ARHGEF3: variants seen among roughly 807,000 people sequenced by gnomAD.
ARHGEF3 encodes the protein Rho guanine nucleotide exchange factor 3.
Under a neutral mutation model 63.2 loss-of-function variants are expected in ARHGEF3, and 28 were observed. The ratio of observed to expected loss-of-function variants is 0.44; its 90% CI spans 0.33 to 0.61. The LOEUF is 0.61. ARHGEF3 is among the 20% of genes least tolerant of loss of function. ARHGEF3 has a pLI of 0.03. For synonymous variants in ARHGEF3, 266 were observed against 254.2 expected, an observed-to-expected ratio of 1.05 and a Z score of -0.44; for missense variants, 533 against 659.3, an observed-to-expected ratio of 0.81 and a Z score of 2.10.
intron 3 of ARHGEF3, among the ~76,000 whole-genome samples, chr3:56,888,355 A>G (rs1248450270): frequency 6.6e-6 from 1 of 152,144 alleles, no homozygotes; most frequent in Non-Finnish European, 1.5e-5. Context: ...TCCAAGATTG[A>G]TAACACCTCA....
intron 1 of ARHGEF3, among the ~76,000 whole-genome samples, chr3:57,045,131 G>A (rs1247366246): frequency 2.0e-5 from 3 of 152,162 alleles, no homozygotes; most frequent in Non-Finnish European, 4.4e-5. Context: ...GCTGGGCGTG[G>A]TGGCGGGCAC....
intron 3 of ARHGEF3, among the ~76,000 whole-genome samples, chr3:56,939,322 A>G (rs1699062580): frequency 6.6e-6 from 1 of 152,234 alleles, no homozygotes; most frequent in Non-Finnish European, 1.5e-5. Flanking sequence ...TCTCGACATC[A>G]CCATCTCCTC....
intron 2 of ARHGEF3, among the ~76,000 whole-genome samples, chr3:57,016,133 C>A (rs1352213968): frequency 1.3e-5 from 2 of 152,168 alleles, no homozygotes; most frequent in Non-Finnish European, 2.9e-5. Flanking sequence ...GTGACCTCTA[C>A]TGAAATCCAC....
intron 4 of ARHGEF3, among the ~76,000 whole-genome samples, chr3:56,846,382 A>C (rs2039492152): frequency 8.4e-6 from 1 of 118,916 alleles, no homozygotes; most frequent in African/African-American, 3.2e-5. Context: ...AGATCCTGAA[A>C]GTGGGCTTCA....
At chr3:57,026,067 C>A (rs1310338339) in intron 2 of ARHGEF3, among the ~76,000 whole-genome samples, 1 of 152,120 alleles carries the variant, frequency 6.6e-6, no homozygotes, top group African/African-American at 2.4e-5. Context: ...ATCTCAATAA[C>A]CTGTACCTTA....
intron 4 of ARHGEF3, among the ~76,000 whole-genome samples, chr3:56,840,857 A>C (rs1343860770): frequency 6.6e-6 from 1 of 152,330 alleles, no homozygotes; most frequent in South Asian, 2.1e-4. Flanking sequence ...CTTTGGTAAG[A>C]ATTTCTAGAA....
intron 2 of ARHGEF3, among the ~76,000 whole-genome samples, chr3:56,770,393 G>A (rs1274975186): frequency 6.6e-6 from 1 of 150,808 alleles, no homozygotes; most frequent in East Asian, 1.9e-4. Flanking sequence ...CTGGGTGACA[G>A]AGCAAGACTC....
At chr3:56,831,451 A>C (rs1032828374) in intron 4 of ARHGEF3, among the ~76,000 whole-genome samples, 7 of 152,242 alleles carry the variant, frequency 4.6e-5, no homozygotes, top group Admixed American at 1.3e-4. Context: ...GTAAAGGGAA[A>C]AATTCTAATT....
chr3:56,816,198 G>C (rs188837655), intron 4 of ARHGEF3, among the ~76,000 whole-genome samples: 18 of 152,280 alleles, frequency 1.2e-4, no homozygotes, highest in African/African-American at 3.8e-4. Context: ...CTGAGTGACA[G>C]AGCAAGACTC....
intron 3 of ARHGEF3, among the ~76,000 whole-genome samples, chr3:56,898,962 G>A (rs2041410893): frequency 1.3e-5 from 2 of 152,192 alleles, no homozygotes; most frequent in Admixed American, 1.3e-4. Flanking sequence ...GCTGAGGCAG[G>A]AGAATGGCAT....
At chr3:56,730,764 C>T (rs574587754) in intron 9 of ARHGEF3, among the ~76,000 whole-genome samples, 1 of 152,346 alleles carries the variant, frequency 6.6e-6, no homozygotes, top group Admixed American at 6.5e-5. Context: ...GAAGCATCTG[C>T]AGTCAGTCCC....
intron 4 of ARHGEF3, among the ~76,000 whole-genome samples, chr3:56,821,729 C>T (rs916750848): frequency 2.0e-5 from 3 of 152,064 alleles, no homozygotes; most frequent in African/African-American, 4.8e-5. Flanking sequence ...TTTGGGAGGC[C>T]GAGGTGGGTG....
At chr3:56,762,656 A>C (rs2035485340) in intron 2 of ARHGEF3, among the ~76,000 whole-genome samples, 1 of 152,186 alleles carries the variant, frequency 6.6e-6, no homozygotes, top group African/African-American at 2.4e-5. Context: ...ATGCTCCAAT[A>C]AAGTATTCAA....
At chr3:56,901,820 G>A (rs1044903832) in intron 3 of ARHGEF3, among the ~76,000 whole-genome samples, 2 of 151,910 alleles carry the variant, frequency 1.3e-5, no homozygotes, top group East Asian at 3.9e-4. Context: ...CAATATTTTT[G>A]TCAATACATA....
chr3:56,876,658 T>C (rs186547929), intron 4 of ARHGEF3, among the ~76,000 whole-genome samples: 2 of 151,552 alleles, frequency 1.3e-5, no homozygotes, highest in Non-Finnish European at 2.9e-5. Flanking sequence ...AGGGCTCATC[T>C]TGATGGTTGC....
At chr3:56,924,197 A>G (rs1344313955) in intron 3 of ARHGEF3, among the ~76,000 whole-genome samples, 4 of 152,248 alleles carry the variant, frequency 2.6e-5, no homozygotes, top group African/African-American at 4.8e-5. Flanking sequence ...CACCTGCACA[A>G]ACTAAATGAT....
chr3:56,802,422 T>G (rs894614633), upstream of ARHGEF3, among the ~76,000 whole-genome samples: 5 of 152,260 alleles, frequency 3.3e-5, no homozygotes, highest in Non-Finnish European at 2.9e-5. Context: ...TTTGTTTTGT[T>G]TTGTTTTTGT....
chr3:56,878,465 A>C (rs1164766232), intron 4 of ARHGEF3, among the ~76,000 whole-genome samples: 2 of 152,170 alleles, frequency 1.3e-5, no homozygotes, highest in Non-Finnish European at 2.9e-5. Flanking sequence ...GTGACCGATT[A>C]TATCATCAAC....
At chr3:56,734,199 G>T (rs2033439808) in intron 8 of ARHGEF3, among the ~76,000 whole-genome samples, 1 of 152,068 alleles carries the variant, frequency 6.6e-6, no homozygotes, top group Non-Finnish European at 1.5e-5. Flanking sequence ...AATGCTAAGT[G>T]CCAGACTCTT....
Sources: gnomAD v4.1 joint callset for allele counts (sites outside exome capture counted in the v4.1 genomes callset) on GRCh38, gnomAD v4.1.1 for gene constraint, MANE v1.5 for transcripts, NCBI Gene and HGNC (gene_info 2026-07-23, HGNC 2026-07-21) for gene names.